ARHGEF12: variants seen among roughly 807,000 people sequenced by gnomAD.
ARHGEF12 encodes the protein KMT2A/ARHGEF12 fusion protein.
Under a neutral mutation model 211.2 loss-of-function variants are expected in ARHGEF12, and 66 were observed. The ratio of observed to expected loss-of-function variants is 0.31; its 90% CI spans 0.26 to 0.38. The LOEUF is 0.38. Ranked by LOEUF, ARHGEF12 falls within the 10% of genes least tolerant of loss-of-function variation. The pLI is 1.00. For synonymous variants in ARHGEF12, 592 were observed against 638.4 expected (o/e 0.93, Z 1.09); for missense variants, 1,429 against 1,869.5 (o/e 0.76, Z 4.34).
intron 1 of ARHGEF12, among the ~76,000 whole-genome samples, chr11:120,399,999 C>T (rs1347810700): frequency 1.3e-5 from 2 of 152,094 alleles, no homozygotes; most frequent in African/African-American, 4.8e-5. Flanking sequence ...TATGTTGGAG[C>T]CTGTCTCAAC....
rs1318447066 is a variant in ARHGEF12, at chr11:120,489,389, G to T, written c.*4312G>T. ...AATTTGCTATTGTAACTATTTTTAA[G>T]TATAAAGTTCAGTGAGGTAGGCCAG... On this transcript the variant is annotated 3_prime_UTR_variant, in exon 41 of 41. Coordinates refer to ENST00000397843, the MANE Select transcript of ARHGEF12 (RefSeq NM_015313.3). 4.5e-6 allele frequency: 1 copy of T among 223,984 alleles called. No homozygotes were observed. The highest frequency in any genetic ancestry group is 5.7e-5 in the Admixed American group (1 of 17,442). The allele number at this position is 223,984 out of a possible 1,614,324, so 13.9% of individuals were successfully genotyped here. A position where few individuals can be genotyped will look rare whatever the true frequency, so the allele number is the denominator to read the frequency against.
intron 28 of ARHGEF12, 90 bp downstream of exon 28, chr11:120,465,452 C>A: frequency 1.3e-6 from 2 of 1,519,136 alleles, no homozygotes; most frequent in Non-Finnish European, 9.0e-7. Flanking sequence ...AAGACTTTTA[C>A]AAAGATTACA....
At chr11:120,437,165 A>G (rs1226316310) in intron 11 of ARHGEF12, 143 bp from the exon 12 acceptor site, 1 of 528,258 alleles carries the variant, frequency 1.9e-6, no homozygotes. Flanking sequence ...AAAAAGTAGC[A>G]GAACCAAGCA....
rs552395199 is a variant in ARHGEF12, at chr11:120,485,352, A to G, written c.*275A>G. ...TTGATTCAGAATAAAAACCAAATGT[A>G]TAGAGCTTTGGGTGTAGGATATGAA... On this transcript the variant is annotated 3_prime_UTR_variant, in exon 41 of 41. Coordinates refer to ENST00000397843, the MANE Select transcript of ARHGEF12 (RefSeq NM_015313.3). 8 of 384,290 alleles carry G rather than the reference A, an allele frequency of 2.1e-5. No individual in the cohort carries two copies. In the South Asian group the frequency reaches 4.8e-4, roughly 23 times the overall value. 23.8% of individuals were successfully genotyped at this position (384,290 alleles called of 1,614,324 possible). A position where few individuals can be genotyped will look rare whatever the true frequency, so the allele number is the denominator to read the frequency against.
rs1313761136 is a variant in ARHGEF12 at position 120,477,512 on chromosome 11, G to A, written c.3518G>A (p.Gly1173Asp). The A allele has an allele frequency of 3.7e-6, 6 of 1,612,096 alleles. No individual in the cohort carries two copies. Among genetic ancestry groups the A allele is most frequent in the Non-Finnish European group, 5.1e-6 (6 of 1,179,810 alleles). Residue 1173 changes from glycine (G) to aspartate (D), a missense_variant, in exon 36 of 41, where the codon GGT becomes GAT. By Grantham distance (94) the Gly-to-Asp change is moderately conservative (BLOSUM62 -1). This residue lies in a region of ARHGEF12 where 467 missense variants were observed against 468.4 expected (regional missense o/e 1.00). Transcript: ENST00000397843. Reference sequence around the variant, plus strand: ...GAGCAGCATGGCATTTCAGTCACTGGTTTGCAGAGTCCAGGTACACTCTTC... The same window carrying A: ...GAGCAGCATGGCATTTCAGTCACTGATTTGCAGAGTCCAGGTACACTCTTC... ...KEEQHGISVT[G>D]LQSPDRDLGL...
At chr11:120,443,935 G>A (rs1945961189) in intron 15 of ARHGEF12, among the ~76,000 whole-genome samples, 1 of 152,174 alleles carries the variant, frequency 6.6e-6, no homozygotes, top group Non-Finnish European at 1.5e-5. Context: ...CAAATACAGT[G>A]CCATTTTGTA....
At chr11:120,372,709 T>A (rs1156404093) in intron 1 of ARHGEF12, among the ~76,000 whole-genome samples, 1 of 152,148 alleles carries the variant, frequency 6.6e-6, no homozygotes, top group Non-Finnish European at 1.5e-5. Flanking sequence ...GGATTTATGA[T>A]AAGATAGGCC....
At chr11:120,420,174 G>A (rs190334311) in intron 4 of ARHGEF12, among the ~76,000 whole-genome samples, 3 of 151,960 alleles carry the variant, frequency 2.0e-5, no homozygotes, top group Non-Finnish European at 2.9e-5. Flanking sequence ...TATAAGCCAG[G>A]GTTTTTCTTC....
intron 16 of ARHGEF12, among the ~76,000 whole-genome samples, chr11:120,445,973 G>A (rs997167322): frequency 7.2e-5 from 11 of 152,096 alleles, no homozygotes; most frequent in African/African-American, 2.2e-4. Context: ...AGGCCGAGGC[G>A]GGTGGATCAC....
In ARHGEF12 at chr11:120,489,470, T is replaced by C. The variant is rs1947480358; in HGVS notation, c.*4393T>C. 4.5e-6 allele frequency: 1 copy of C among 223,560 alleles called. No individual in the cohort carries two copies. Among genetic ancestry groups the C allele is most frequent in the Non-Finnish European group, 8.9e-6 (1 of 111,980 alleles). 13.8% of individuals were successfully genotyped at this position (223,560 alleles called of 1,614,324 possible). A position where few individuals can be genotyped will look rare whatever the true frequency, so the allele number is the denominator to read the frequency against. Reference sequence around the variant, plus strand: ...TTTTAATCCTACCCTAAATGAAGCATATGCCTCTATTTTTCCTGTCCCCAG... The same window carrying C: ...TTTTAATCCTACCCTAAATGAAGCACATGCCTCTATTTTTCCTGTCCCCAG... On this transcript the variant is annotated 3_prime_UTR_variant, in exon 41 of 41. Coordinates refer to ENST00000397843, the MANE Select transcript of ARHGEF12 (RefSeq NM_015313.3).
intron 6 of ARHGEF12, among the ~76,000 whole-genome samples, chr11:120,422,164 A>G (rs931191849): frequency 6.6e-6 from 1 of 152,214 alleles, no homozygotes; most frequent in African/African-American, 2.4e-5. Flanking sequence ...CAAGTTGAAC[A>G]TTTCTAATCT....
intron 1 of ARHGEF12, among the ~76,000 whole-genome samples, chr11:120,399,180 T>C (rs1272026856): frequency 6.7e-6 from 1 of 149,256 alleles, no homozygotes; most frequent in Non-Finnish European, 1.5e-5. Flanking sequence ...TTTAGCTGGG[T>C]GTGGTGGCAT....
intron 1 of ARHGEF12, among the ~76,000 whole-genome samples, chr11:120,373,618 A>G (rs1401159097): frequency 6.6e-6 from 1 of 152,214 alleles, no homozygotes; most frequent in East Asian, 1.9e-4. Flanking sequence ...ATATAATTGT[A>G]TAATGATTTA....
chr11:120,453,713 A>G (rs1481575713), intron 22 of ARHGEF12, among the ~76,000 whole-genome samples: 1 of 152,168 alleles, frequency 6.6e-6, no homozygotes, highest in African/African-American at 2.4e-5. Context: ...ATGAGACCCT[A>G]TCTCAAGAAA....
intron 27 of ARHGEF12, 128 bp downstream of exon 27, chr11:120,460,885 G>C: frequency 1.3e-6 from 1 of 785,764 alleles, no homozygotes; most frequent in East Asian, 2.6e-5. Context: ...AGCTGAGAAA[G>C]GTCAAGCAGT....
rs2077483 is a variant in ARHGEF12, at chr11:120,442,457, T to C, written c.1302+255T>C. Among the ~76,000 whole-genome samples, 195 of 131,618 alleles carry C rather than the reference T, an allele frequency of 1.5e-3. 1 individual carries two copies. The highest frequency in any genetic ancestry group is 3.9e-3 in the Middle Eastern group (1 of 256). 86.3% of individuals were successfully genotyped at this position (131,618 alleles called of 152,430 possible). On this transcript the variant is annotated intron_variant, in intron 15 of 40. Coordinates refer to ENST00000397843, the MANE Select transcript of ARHGEF12 (RefSeq NM_015313.3). ...ACACACACACACACACACACACACA[T>C]ATATATACACACACACACACACACA...
intron 8 of ARHGEF12, 57 bp from the exon 9 acceptor site, chr11:120,429,383 T>G (rs1591580469): frequency 7.0e-7 from 1 of 1,420,716 alleles, no homozygotes; most frequent in East Asian, 2.3e-5. Flanking sequence ...TCTATTTATT[T>G]TAGCTTCATT....
intron 9 of ARHGEF12, 37 bp from the exon 10 acceptor site, chr11:120,429,675 A>T (rs1192456038): frequency 6.3e-7 from 1 of 1,588,226 alleles, no homozygotes; most frequent in South Asian, 1.1e-5. Flanking sequence ...TTTTTACATA[A>T]GTAATTAATT....
chr11:120,409,443 G>A lies in ARHGEF12; in HGVS notation c.192G>A (p.Glu64=), dbSNP rs941308915. 6.2e-7 allele frequency: 1 copy of A among 1,613,764 alleles called. No homozygotes were observed. The highest frequency in any genetic ancestry group is 8.5e-7 in the Non-Finnish European group (1 of 1,179,826). ...TKSSSEESRS[E]IYGLVQRCVI... ...CTAGTTCAGAGGAGAGTAGATCCGA[G>A]ATATATGGTAAGCTAATGTAGCTAA... The change falls in exon 4 of 41, where the codon GAG becomes GAA. Residue 64 remains glutamate (E), a synonymous_variant. Transcript: ENST00000397843.
Sources: allele counts gnomAD v4.1 joint callset (sites outside exome capture counted in the v4.1 genomes callset), GRCh38; gene constraint gnomAD v4.1.1; regional missense constraint gnomAD v4.1.1; transcripts MANE v1.5; gene names NCBI Gene and HGNC (gene_info 2026-07-23, HGNC 2026-07-21).